GABBR2: variants seen among roughly 807,000 people sequenced by gnomAD.
GABBR2 encodes the protein G-protein coupled receptor 51.
GABBR2 carries 23 observed loss-of-function variants against 105.6 expected under a neutral mutation model. The ratio of observed to expected loss-of-function variants is 0.22; its 90% confidence interval spans 0.16 to 0.31. The LOEUF (loss-of-function observed/expected upper bound fraction) is 0.31, where lower values mean the gene tolerates loss of function less well. Ranked by LOEUF, GABBR2 falls within the 10% of genes least tolerant of loss-of-function variation. GABBR2 has a pLI of 1.00. For synonymous variants in GABBR2, 478 were observed against 499.7 expected (o/e 0.96, Z 0.58); for missense variants, 734 against 1,245.5 (o/e 0.59, Z 6.18).
At chr9:98,647,337 C>T (rs561436352) in intron 1 of GABBR2, among the ~76,000 whole-genome samples, 19 of 152,374 alleles carry the variant, frequency 1.2e-4, no homozygotes, top group African/African-American at 4.3e-4. Flanking sequence ...TCACACAGCT[C>T]TATTCTTTCT....
At chr9:98,486,930 C>T (rs1404265236) in intron 4 of GABBR2, among the ~76,000 whole-genome samples, 1 of 152,100 alleles carries the variant, frequency 6.6e-6, no homozygotes, top group Non-Finnish European at 1.5e-5. Flanking sequence ...ACTTAGACCC[C>T]ACCCCCCACT....
chr9:98,652,611 T>G (rs1255131619), intron 1 of GABBR2, among the ~76,000 whole-genome samples: 2 of 152,206 alleles, frequency 1.3e-5, no homozygotes, highest in Non-Finnish European at 2.9e-5. Context: ...TTCCCCACTC[T>G]CCTTCAAAGT....
intron 13 of GABBR2, among the ~76,000 whole-genome samples, chr9:98,322,299 C>T (rs563691093): frequency 1.1e-4 from 16 of 152,256 alleles, no homozygotes; most frequent in African/African-American, 2.9e-4. Context: ...CAGAACCTGG[C>T]GTCTCTCCAG....
At chr9:98,298,037 A>G (rs1047504743) in intron 17 of GABBR2, among the ~76,000 whole-genome samples, 14 of 105,652 alleles carry the variant, frequency 1.3e-4, no homozygotes, top group South Asian at 2.8e-4. Context: ...GTGAGACTCC[A>G]TCTTAAAAAA....
chr9:98,508,665 G>A (rs899825332), intron 3 of GABBR2, among the ~76,000 whole-genome samples: 1 of 152,238 alleles, frequency 6.6e-6, no homozygotes, highest in Non-Finnish European at 1.5e-5. Flanking sequence ...CTCGCTCATT[G>A]CTAGCACAGC....
At chr9:98,510,797 G>A (rs1197689796) in intron 3 of GABBR2, among the ~76,000 whole-genome samples, 1 of 151,846 alleles carries the variant, frequency 6.6e-6, no homozygotes, top group African/African-American at 2.4e-5. Flanking sequence ...TACAAAGAGA[G>A]TTAGACTCCC....
At chr9:98,526,964 AT>A (rs1827973627) in intron 3 of GABBR2, among the ~76,000 whole-genome samples, 1 of 151,992 alleles carries the variant, frequency 6.6e-6, no homozygotes. Context: ...GAGCATTCTC[AT>A]TAAAGTCAAG....
At chr9:98,706,748 G>A (rs1009907288) in intron 1 of GABBR2, among the ~76,000 whole-genome samples, 7 of 152,184 alleles carry the variant, frequency 4.6e-5, no homozygotes, top group African/African-American at 1.7e-4. Flanking sequence ...ATCTAAAAAT[G>A]TGTTTGTCCC....
At chr9:98,690,778 G>A (rs1353312147) in intron 1 of GABBR2, among the ~76,000 whole-genome samples, 1 of 152,224 alleles carries the variant, frequency 6.6e-6, no homozygotes, top group Non-Finnish European at 1.5e-5. Context: ...CACTCTGAGA[G>A]AGACAGGTCC....
intron 6 of GABBR2, among the ~76,000 whole-genome samples, chr9:98,456,735 C>T (rs1826331832): frequency 6.6e-6 from 1 of 152,310 alleles, no homozygotes; most frequent in African/African-American, 2.4e-5. Context: ...GCATCCTTGA[C>T]AATAGGTATT....
Position 98,393,029 on chromosome 9 carries a change from C to CCCATCCATCCAT in GABBR2, c.1378+1134_1378+1145dup, listed in dbSNP as rs71369559. ...ATTCACACACCCATCCATGCATCCACCCATCCATCCATCCATCCATCCATC... is the reference window on the plus strand; with the variant it reads ...ATTCACACACCCATCCATGCATCCACCCATCCATCCATCCATCCATCCATCCATCCATCCATC... On this transcript the variant is annotated intron_variant, in intron 9 of 18. Transcript: ENST00000259455. Among the ~76,000 whole-genome samples, 366 of 123,150 alleles carry CCCATCCATCCAT rather than the reference C, an allele frequency of 3.0e-3. 6 individuals carry two copies. Among genetic ancestry groups the CCCATCCATCCAT allele is most frequent in the African/African-American group, 0.011 (324 of 30,428 alleles). The allele number at this position is 123,150 out of a possible 152,430, so 80.8% of individuals were successfully genotyped here. A position where few individuals can be genotyped will look rare whatever the true frequency, so the allele number is the denominator to read the frequency against.
chr9:98,698,555 A>G (rs932774586), intron 1 of GABBR2, among the ~76,000 whole-genome samples: 7 of 151,250 alleles, frequency 4.6e-5, no homozygotes, highest in Non-Finnish European at 1.0e-4. Context: ...GCTGGAGAGC[A>G]GTGGTGTGAT....
chr9:98,607,829 C>T lies in GABBR2; in HGVS notation c.322-29757G>A, dbSNP rs764571083. On this transcript the variant is annotated intron_variant, in intron 1 of 18. Transcript: ENST00000259455. Reference sequence around the variant, plus strand: ...AAAGGGCAGCTGACCAAGAGCCCTCCGGCACAAATGGAAGAAGAAAGAAGG... The same window carrying T: ...AAAGGGCAGCTGACCAAGAGCCCTCTGGCACAAATGGAAGAAGAAAGAAGG... The T allele has an allele frequency of 1.5e-5, 15 of 996,212 alleles. 1 individual carries two copies. The highest frequency in any genetic ancestry group is 8.0e-5 in the African/African-American group (5 of 62,546). The allele number at this position is 996,212 out of a possible 1,614,324, so 61.7% of individuals were successfully genotyped here. A position where few individuals can be genotyped will look rare whatever the true frequency, so the allele number is the denominator to read the frequency against.
chr9:98,309,803 G>T (rs903375347), intron 14 of GABBR2, among the ~76,000 whole-genome samples: 7 of 152,184 alleles, frequency 4.6e-5, no homozygotes, highest in African/African-American at 1.7e-4. Context: ...GAGCTCAAAA[G>T]ACTTCTATGG....
intron 13 of GABBR2, among the ~76,000 whole-genome samples, chr9:98,348,622 G>T (rs1438213336): frequency 2.0e-5 from 3 of 152,102 alleles, no homozygotes; most frequent in African/African-American, 7.2e-5. Flanking sequence ...TTGGTGTTTT[G>T]TAGTTTTCAT....
chr9:98,439,929 G>A (rs896054429), intron 7 of GABBR2, among the ~76,000 whole-genome samples: 2 of 152,210 alleles, frequency 1.3e-5, no homozygotes, highest in Non-Finnish European at 2.9e-5. Flanking sequence ...ATCTATAGGG[G>A]TAACTGGGGG....
At chr9:98,436,390 T>TAG (rs1564068321) in intron 7 of GABBR2, among the ~76,000 whole-genome samples, 10 of 42,934 alleles carry the variant, frequency 2.3e-4, no homozygotes, top group African/African-American at 8.3e-4. Flanking sequence ...TATATATATA[T>TAG]ATATATATAT....
At position 98,388,024 on chromosome 9, in the gene GABBR2, G is replaced by A. The variant is rs116436204; in HGVS notation, c.1529+830C>T. Among the ~76,000 whole-genome samples, 1,726 of 152,252 alleles carry A rather than the reference G, an allele frequency of 0.011. 37 individuals are homozygous for A. The highest frequency in any genetic ancestry group is 0.039 in the African/African-American group (1,622 of 41,538). ...TGGTCACTGTGGCTGTCCCCATGACGGCCCATGCTCTGCACCCCTGCTTAT... is the reference window on the plus strand; with the variant it reads ...TGGTCACTGTGGCTGTCCCCATGACAGCCCATGCTCTGCACCCCTGCTTAT... On this transcript the variant is annotated intron_variant, in intron 10 of 18. Coordinates refer to ENST00000259455, the MANE Select transcript of GABBR2 (RefSeq NM_005458.8). This position sits in a 1 kb window ranked among gnomAD's most constrained non-coding sequence, Gnocchi z 4.4.
intron 1 of GABBR2, among the ~76,000 whole-genome samples, chr9:98,589,612 CATTTTAAAAAG>C (rs1320012989): frequency 6.6e-6 from 1 of 151,462 alleles, no homozygotes; most frequent in Non-Finnish European, 1.5e-5. Flanking sequence ...ATATGCCTTA[CATTTTAAAAAG>C]TGTTCTCCTA....
Sources: gnomAD v4.1 joint callset for allele counts (sites outside exome capture counted in the v4.1 genomes callset) on GRCh38, gnomAD v4.1.1 for gene constraint, Gnocchi (gnomAD v3.1) non-coding constraint, MANE v1.5 for transcripts, NCBI Gene and HGNC (gene_info 2026-07-23, HGNC 2026-07-21) for gene names.